CLCN5: variants seen among roughly 807,000 people sequenced by gnomAD.
CLCN5 encodes the protein H(+)/Cl(-) exchange transporter 5.
CLCN5 carries 17 observed loss-of-function variants against 54.0 expected under a neutral mutation model. The observed-to-expected ratio is 0.31, with a 90% CI of 0.22 to 0.47. CLCN5 has a LOEUF of 0.47. CLCN5 is among the 20% of genes least tolerant of loss of function. The pLI, the probability that CLCN5 is intolerant of heterozygous loss-of-function variation, is 1.00. For synonymous variants in CLCN5, 222 were observed against 233.0 expected (o/e 0.95, Z 0.43); for missense variants, 448 against 646.7 (o/e 0.69, Z 3.33).
At chrX:49,985,093 T>C in intron 3 of CLCN5, among the ~76,000 whole-genome samples, 1 of 111,376 alleles carries the variant, frequency 9.0e-6, no homozygotes, top group East Asian at 2.8e-4. Flanking sequence ...CTAAAATATA[T>C]CTTTAAGGTG....
chrX:50,090,899 G>C lies in CLCN5; in HGVS notation c.2360+13G>C. 1 of 1,164,136 alleles carries C rather than the reference G, an allele frequency of 8.6e-7. No individual in the cohort carries two copies. Among genetic ancestry groups the C allele is most frequent in the Non-Finnish European group, 1.2e-6 (1 of 852,776 alleles). ...TTACACACAACGGGTAAGAAGTCTTGAGTGAAGTCAAATTGAATTGTGGGA... is the reference window on the plus strand; with the variant it reads ...TTACACACAACGGGTAAGAAGTCTTCAGTGAAGTCAAATTGAATTGTGGGA... On this transcript the variant is annotated intron_variant, in intron 14 of 14. Transcript: ENST00000376091.
chrX:50,033,940 C>T (rs1346654273), intron 3 of CLCN5, among the ~76,000 whole-genome samples: 1 of 111,362 alleles, frequency 9.0e-6, no homozygotes. Context: ...AACCCCTACT[C>T]GTCTGTAGGA....
chrX:49,971,818 G>C (rs1928228118), intron 3 of CLCN5, among the ~76,000 whole-genome samples: 1 of 111,954 alleles, frequency 8.9e-6, no homozygotes, highest in South Asian at 3.7e-4. Flanking sequence ...TATGTTTGCT[G>C]TATGCCCTTA....
At chrX:49,952,087 C>T (rs1379168820) in intron 3 of CLCN5, among the ~76,000 whole-genome samples, 1 of 111,964 alleles carries the variant, frequency 8.9e-6, no homozygotes, top group African/African-American at 3.2e-5. Context: ...GTTAAAATGG[C>T]CCCATCTTGA....
intron 4 of CLCN5, among the ~76,000 whole-genome samples, chrX:50,057,242 T>G (rs1375040369): frequency 9.2e-6 from 1 of 108,153 alleles, no homozygotes; most frequent in Non-Finnish European, 1.9e-5. Context: ...GAAAAAGTGG[T>G]TATTTATCTG....
At chrX:50,075,292 G>A (rs1341610362) in intron 6 of CLCN5, among the ~76,000 whole-genome samples, 1 of 110,539 alleles carries the variant, frequency 9.0e-6, no homozygotes, top group Non-Finnish European at 1.9e-5. Context: ...CATAATCTTC[G>A]TCAGCTCTCC....
chrX:50,066,068 T>C (rs782002485), intron 4 of CLCN5, among the ~76,000 whole-genome samples: 5 of 102,257 alleles, frequency 4.9e-5, no homozygotes, highest in South Asian at 9.5e-4. Context: ...TGCTAGATGA[T>C]GAGTTAGTGG....
At chrX:50,076,673 G>A (rs1425375811) in intron 7 of CLCN5, among the ~76,000 whole-genome samples, 2 of 110,895 alleles carry the variant, frequency 1.8e-5, no homozygotes, top group Non-Finnish European at 3.8e-5. Flanking sequence ...GACTAAAGGC[G>A]TGCACCACCA....
intron 4 of CLCN5, among the ~76,000 whole-genome samples, chrX:50,060,747 A>C (rs1932844093): frequency 9.0e-6 from 1 of 110,868 alleles, no homozygotes; most frequent in Admixed American, 9.4e-5. Flanking sequence ...CTGCAGACTT[A>C]AATGTCCCTG....
At chrX:50,074,170 A>G (rs1179975009) in intron 6 of CLCN5, among the ~76,000 whole-genome samples, 4 of 112,376 alleles carry the variant, frequency 3.6e-5, no homozygotes, top group African/African-American at 9.7e-5. Context: ...AAGTAATTGC[A>G]TTACTTTTAA....
At chrX:50,057,788 G>T (rs1430422863) in intron 4 of CLCN5, among the ~76,000 whole-genome samples, 2 of 108,980 alleles carry the variant, frequency 1.8e-5, no homozygotes, top group Non-Finnish European at 3.8e-5. Context: ...CAAAATGAAG[G>T]CACAAGTTGC....
intron 3 of CLCN5, among the ~76,000 whole-genome samples, chrX:49,998,997 C>A (rs190072082): frequency 2.7e-5 from 3 of 109,665 alleles, no homozygotes; most frequent in African/African-American, 1.0e-4. Context: ...GCCACCCCCC[C>A]GCCATAGGCT....
chrX:50,058,885 G>A (rs192108220), intron 4 of CLCN5, among the ~76,000 whole-genome samples: 38 of 110,718 alleles, frequency 3.4e-4, no homozygotes, highest in Admixed American at 1.2e-3. Flanking sequence ...CCAACCTGAT[G>A]TGTAGGCTCA....
intron 9 of CLCN5, among the ~76,000 whole-genome samples, chrX:50,082,890 T>C (rs1445151489): frequency 9.0e-6 from 1 of 111,450 alleles, no homozygotes; most frequent in Admixed American, 9.5e-5. Context: ...GTATTGGACC[T>C]CTCTCTACCT....
intron 3 of CLCN5, among the ~76,000 whole-genome samples, chrX:49,960,849 T>C (rs1287331663): frequency 2.7e-5 from 3 of 111,356 alleles, no homozygotes; most frequent in Admixed American, 9.5e-5. Flanking sequence ...ACTATCCCCA[T>C]AGGCTAATGG....
chrX:49,926,935 C>G (rs1254500154), intron 3 of CLCN5, among the ~76,000 whole-genome samples: 1 of 110,788 alleles, frequency 9.0e-6, no homozygotes, highest in Non-Finnish European at 1.9e-5. Context: ...TGTTCTGTGA[C>G]TGGATGTGGC....
intron 5 of CLCN5, among the ~76,000 whole-genome samples, chrX:50,070,495 G>T (rs1218820549): frequency 9.0e-6 from 1 of 111,404 alleles, no homozygotes; most frequent in Non-Finnish European, 1.9e-5. Context: ...TTTCCTTAAT[G>T]CAGGATATTC....
intron 3 of CLCN5, among the ~76,000 whole-genome samples, chrX:50,013,030 A>G (rs1345227606): frequency 9.0e-6 from 1 of 111,249 alleles, no homozygotes; most frequent in Non-Finnish European, 1.9e-5. Flanking sequence ...CCACACATTC[A>G]GTGAGCACAT....
At chrX:49,970,384 C>G (rs782208526) in intron 3 of CLCN5, among the ~76,000 whole-genome samples, 7 of 111,074 alleles carry the variant, frequency 6.3e-5, no homozygotes, top group Middle Eastern at 4.6e-3. Flanking sequence ...TCTATCACCT[C>G]GAAACACTAT....
Sources: allele counts gnomAD v4.1 joint callset (sites outside exome capture counted in the v4.1 genomes callset), GRCh38; gene constraint gnomAD v4.1.1; transcripts MANE v1.5; gene names NCBI Gene and HGNC (gene_info 2026-07-23, HGNC 2026-07-21).